The following ULK4 variants were observed in gnomAD, a reference collection of about 807,000 sequenced individuals.
ULK4 encodes the protein unc-51 like kinase 4.
A neutral mutation model predicts 160.6 loss-of-function variants in ULK4; 133 were observed. The ratio of observed to expected loss-of-function variants is 0.83; its 90% CI spans 0.72 to 0.96. ULK4 has a LOEUF of 0.96. Among genes scored for constraint, ULK4 ranks in the 40% least tolerant of loss-of-function variants. The probability of loss-of-function intolerance (pLI) is 0.00; values close to 1 mark genes in which losing one functional copy is unlikely to be tolerated. For missense variants in ULK4, 1,580 were observed against 1,499.5 expected, an observed-to-expected ratio of 1.05 and a Z score of -0.89; for synonymous variants, 534 against 539.8, an observed-to-expected ratio of 0.99 and a Z score of 0.15.
chr3:41,490,147 C>T (rs1292702865), intron 32 of ULK4, among the ~76,000 whole-genome samples: 1 of 152,160 alleles, frequency 6.6e-6, no homozygotes, highest in Non-Finnish European at 1.5e-5. Context: ...GTGTTCATCA[C>T]TATATATGTA....
chr3:41,655,218 T>C (rs1281383472), intron 30 of ULK4, among the ~76,000 whole-genome samples: 1 of 151,892 alleles, frequency 6.6e-6, no homozygotes, highest in Admixed American at 6.6e-5. Flanking sequence ...TGAGTTCATG[T>C]CCTTTGCAGG....
chr3:41,398,128 T>C lies in ULK4; in HGVS notation c.3629A>G (p.Lys1210Arg), dbSNP rs375010332. ...VEIFAHLLTSKEDPKEQKLLL... is the reference protein window; with the variant it reads ...VEIFAHLLTSREDPKEQKLLL... ...AAGCTTCTGCTCCTTTGGGTCCTCC[T>C]TGGATGTCAGTAAATGAGCAAAAAT... Residue 1210 changes from lysine to arginine, a missense_variant, in exon 35 of 37, where the codon AAG becomes AGG. Physicochemically the swap from Lys to Arg is conservative, Grantham distance 26 (BLOSUM62 2). Coordinates refer to ENST00000301831, the MANE Select transcript of ULK4 (RefSeq NM_017886.4). 5.0e-6 allele frequency: 8 copies of C among 1,613,348 alleles called. No individual in the cohort carries two copies. In the African/African-American group the frequency reaches 9.4e-5, roughly 19 times the overall value.
chr3:41,472,204 A>G (rs1175228822), intron 32 of ULK4, among the ~76,000 whole-genome samples: 1 of 152,164 alleles, frequency 6.6e-6, no homozygotes, highest in Non-Finnish European at 1.5e-5. Context: ...ATGTCAAAAA[A>G]AATTGAATAA....
intron 32 of ULK4, among the ~76,000 whole-genome samples, chr3:41,494,518 A>C (rs888056174): frequency 7.3e-5 from 11 of 151,230 alleles, no homozygotes; most frequent in African/African-American, 2.7e-4. Flanking sequence ...GAAAACTGGC[A>C]CAAGACAGGG....
intron 34 of ULK4, among the ~76,000 whole-genome samples, chr3:41,455,209 T>G (rs999795697): frequency 1.2e-4 from 19 of 152,234 alleles, no homozygotes; most frequent in African/African-American, 4.6e-4. Context: ...TAGCAATTTC[T>G]TCTTTCCTCT....
chr3:41,577,839 T>C (rs905038212), intron 31 of ULK4, among the ~76,000 whole-genome samples: 1 of 152,212 alleles, frequency 6.6e-6, no homozygotes, highest in Non-Finnish European at 1.5e-5. Context: ...AGGTGTACTT[T>C]TATACTTGAT....
At chr3:41,945,061 T>G (rs1700073240) in intron 2 of ULK4, among the ~76,000 whole-genome samples, 1 of 152,224 alleles carries the variant, frequency 6.6e-6, no homozygotes, top group Admixed American at 6.5e-5. Context: ...GCTCAATTTC[T>G]GGAAAGAATT....
At chr3:41,307,597 C>A (rs1360380585) in intron 35 of ULK4, among the ~76,000 whole-genome samples, 1 of 152,122 alleles carries the variant, frequency 6.6e-6, no homozygotes, top group Non-Finnish European at 1.5e-5. Flanking sequence ...GGAGCCAAGG[C>A]AGGAGGATTC....
chr3:41,656,435 T>C (rs2034938616), intron 30 of ULK4, among the ~76,000 whole-genome samples: 1 of 152,182 alleles, frequency 6.6e-6, no homozygotes, highest in Non-Finnish European at 1.5e-5. Context: ...AATCATTACA[T>C]GTATTAAAAC....
chr3:41,702,765 T>C (rs974513526), intron 27 of ULK4, among the ~76,000 whole-genome samples: 5 of 151,172 alleles, frequency 3.3e-5, no homozygotes, highest in Non-Finnish European at 7.4e-5. Context: ...AAATTCATAA[T>C]AGTAATAGGA....
chr3:41,345,639 G>A (rs1171148123), intron 35 of ULK4, among the ~76,000 whole-genome samples: 3 of 152,098 alleles, frequency 2.0e-5, no homozygotes, highest in Non-Finnish European at 2.9e-5. Context: ...TGGGGGTGGC[G>A]GGAAGGAGAG....
chr3:41,372,291 AG>A (rs564659180), intron 35 of ULK4, among the ~76,000 whole-genome samples: 88 of 152,298 alleles, frequency 5.8e-4, no homozygotes, highest in African/African-American at 2.0e-3. Flanking sequence ...GGAAATACGG[AG>A]AACACCACAA....
chr3:41,844,997 G>A (rs887494721), intron 17 of ULK4, among the ~76,000 whole-genome samples: 3 of 144,508 alleles, frequency 2.1e-5, no homozygotes, highest in South Asian at 2.2e-4. Flanking sequence ...ACGGAGTCTC[G>A]CCCTGTTGCC....
intron 33 of ULK4, among the ~76,000 whole-genome samples, chr3:41,462,341 T>G (rs929084265): frequency 1.3e-5 from 2 of 152,192 alleles, no homozygotes; most frequent in Non-Finnish European, 2.9e-5. Flanking sequence ...ATACATCTCT[T>G]GCAATTGTAT....
intron 35 of ULK4, among the ~76,000 whole-genome samples, chr3:41,341,649 G>C (rs962829205): frequency 1.3e-5 from 2 of 152,164 alleles, no homozygotes; most frequent in Non-Finnish European, 2.9e-5. Context: ...AGAGAACAAG[G>C]GAAATGAAGA....
At chr3:41,530,494 A>G (rs550200424) in intron 32 of ULK4, among the ~76,000 whole-genome samples, 2 of 152,286 alleles carry the variant, frequency 1.3e-5, no homozygotes, top group African/African-American at 4.8e-5. Context: ...TCTAGAACCA[A>G]ACAGAACTGT....
intron 18 of ULK4, among the ~76,000 whole-genome samples, 177 bp downstream of exon 18, chr3:41,835,687 T>C (rs570145605): frequency 1.2e-4 from 19 of 152,242 alleles, no homozygotes; most frequent in African/African-American, 3.9e-4. Flanking sequence ...CAGGGTAAGA[T>C]AGAAAGAGGC....
At chr3:41,635,552 T>C (rs1028956766) in intron 30 of ULK4, among the ~76,000 whole-genome samples, 1 of 152,194 alleles carries the variant, frequency 6.6e-6, no homozygotes, top group African/African-American at 2.4e-5. Context: ...ATATGTTACT[T>C]GTCTTTTTTC....
intron 32 of ULK4, among the ~76,000 whole-genome samples, chr3:41,487,976 A>AC (rs2084601103): frequency 1.6e-5 from 2 of 124,344 alleles, no homozygotes; most frequent in South Asian, 2.6e-4. Context: ...TACCAAAGAA[A>AC]TACAAATGAT....
Sources: allele counts gnomAD v4.1 joint callset (sites outside exome capture counted in the v4.1 genomes callset), GRCh38; gene constraint gnomAD v4.1.1; transcripts MANE v1.5; gene names NCBI Gene and HGNC (gene_info 2026-07-23, HGNC 2026-07-21).